The following KIAA1671 variants were observed in gnomAD, a reference collection of about 807,000 sequenced individuals.
KIAA1671 encodes the protein KIAA1671.
KIAA1671 carries 52 observed loss-of-function variants against 131.2 expected under a neutral mutation model. The observed-to-expected ratio is 0.40, with a 90% CI of 0.32 to 0.50. The LOEUF (loss-of-function observed/expected upper bound fraction) is 0.50, where lower values mean the gene tolerates loss of function less well. Among genes scored for constraint, KIAA1671 ranks in the 20% least tolerant of loss-of-function variants. The probability of loss-of-function intolerance (pLI) is 0.73; values close to 1 mark genes in which losing one functional copy is unlikely to be tolerated. For missense variants in KIAA1671, 2,360 were observed against 2,364.2 expected (o/e 1.00, Z 0.04); for synonymous variants, 1,003 against 961.6 (o/e 1.04, Z -0.80).
chr22:25,164,574 G>A (rs971029891), intron 6 of KIAA1671, among the ~76,000 whole-genome samples: 1 of 152,188 alleles, frequency 6.6e-6, no homozygotes, highest in African/African-American at 2.4e-5. Flanking sequence ...TCACTAAGGT[G>A]TTTTTTACAG....
intron 6 of KIAA1671, among the ~76,000 whole-genome samples, chr22:25,068,908 C>T (rs1928654292): frequency 6.6e-6 from 1 of 152,188 alleles, no homozygotes; most frequent in Admixed American, 6.5e-5. Context: ...TGCCTGGTGC[C>T]TCTGTGAACA....
chr22:25,016,039 C>T (rs1269040963), intron 1 of KIAA1671, among the ~76,000 whole-genome samples: 2 of 148,362 alleles, frequency 1.3e-5, no homozygotes, highest in Admixed American at 1.3e-4. Context: ...TTTTTTTTCC[C>T]AGACGGAGTC....
chr22:25,049,052 C>A, intron 5 of KIAA1671, 178 bp from the exon 6 acceptor site: 1 of 738,936 alleles, frequency 1.4e-6, no homozygotes, highest in Non-Finnish European at 2.1e-6. Flanking sequence ...GGCTGGGCCA[C>A]TGGAACCCAG....
intron 1 of KIAA1671, among the ~76,000 whole-genome samples, chr22:25,000,186 T>TTTG (rs1924367122): frequency 1.6e-5 from 1 of 62,114 alleles, no homozygotes; most frequent in Admixed American, 1.4e-4. Context: ...CCTCGCCTGT[T>TTTG]TTTTTTTTTT....
rs1926071503 is a variant in KIAA1671, at chr22:25,028,338, G to T, written c.339G>T (p.Leu113Phe). The change falls in exon 3 of 13, where the codon TTG becomes TTT. Residue 113 changes from leucine to phenylalanine, a missense_variant. Transcript: ENST00000358431. ...ATCTGGACAACAGGATGCCCGGCTT[G>T]GTGGGGCAGGAGGTGGGCAGTGGGG... ...AKDLDNRMPGLVGQEVGSGEG... is the reference protein window; with the variant it reads ...AKDLDNRMPGFVGQEVGSGEG... The T allele has an allele frequency of 1.3e-6, 2 of 1,550,708 alleles. No homozygotes were observed. Among genetic ancestry groups the T allele is most frequent in the East Asian group, 4.9e-5 (2 of 40,938 alleles).
At chr22:25,052,683 C>T (rs1927602663) in intron 6 of KIAA1671, 1 of 152,064 alleles carries the variant, frequency 6.6e-6, no homozygotes, top group Non-Finnish European at 1.5e-5. Flanking sequence ...CAGTGCCTGA[C>T]ACCGAGAAAT....
intron 6 of KIAA1671, among the ~76,000 whole-genome samples, chr22:25,114,031 C>T (rs956381389): frequency 6.6e-6 from 1 of 152,186 alleles, no homozygotes; most frequent in East Asian, 1.9e-4. Flanking sequence ...ATCCCCTAGG[C>T]GTCTTACCCT....
intron 6 of KIAA1671, among the ~76,000 whole-genome samples, chr22:25,163,538 T>C (rs184069290): frequency 8.6e-4 from 127 of 148,298 alleles, no homozygotes; most frequent in South Asian, 3.1e-3. Flanking sequence ...GCTACCCGGG[T>C]TCAAGTGATT....
At chr22:25,112,088 A>G in intron 6 of KIAA1671, 1 of 398,056 alleles carries the variant, frequency 2.5e-6, no homozygotes, top group Non-Finnish European at 4.4e-6. Flanking sequence ...TTCCATGAGC[A>G]AAAGAGTCCA....
At chr22:25,081,898 C>CA (rs1929425624) in intron 6 of KIAA1671, among the ~76,000 whole-genome samples, 2 of 151,988 alleles carry the variant, frequency 1.3e-5, no homozygotes, top group African/African-American at 4.8e-5. Flanking sequence ...TCCATCTCTA[C>CA]AAAAAATGTA....
rs2145787434 is a variant in KIAA1671 at position 25,028,604 on chromosome 22, A to C, written c.605A>C (p.Asp202Ala). ...CCCCGGTCAGCTCCCCTGTCTCAGG[A>C]CACAAAACCACCTGTACCCCAAGAG... ...TLPRSAPLSQ[D>A]TKPPVPQEEA... Residue 202 changes from aspartate (D) to alanine (A), a missense_variant, in exon 3 of 13, where the codon GAC (aspartate) becomes GCC (alanine). Transcript: ENST00000358431. The C allele has an allele frequency of 1.3e-6, 2 of 1,483,466 alleles. No individual in the cohort carries two copies. Among genetic ancestry groups the C allele is most frequent in the East Asian group, 5.7e-5 (2 of 35,062 alleles). 91.9% of individuals were successfully genotyped at this position (1,483,466 alleles called of 1,614,324 possible).
intron 1 of KIAA1671, among the ~76,000 whole-genome samples, chr22:24,984,302 C>T (rs1923397551): frequency 6.6e-6 from 1 of 152,152 alleles, no homozygotes; most frequent in Non-Finnish European, 1.5e-5. Flanking sequence ...TGAGGAAATG[C>T]AGGCCCAGAG....
chr22:25,153,916 G>A (rs1216265276), intron 6 of KIAA1671, among the ~76,000 whole-genome samples: 2 of 152,190 alleles, frequency 1.3e-5, no homozygotes, highest in African/African-American at 2.4e-5. Flanking sequence ...CTGCTAACCT[G>A]GTGTCTCTTC....
intron 4 of KIAA1671, among the ~76,000 whole-genome samples, chr22:25,037,846 T>G (rs1170499603): frequency 6.6e-6 from 1 of 152,284 alleles, no homozygotes; most frequent in South Asian, 2.1e-4. Context: ...TCCTTTTATT[T>G]ATTTATTTTT....
At chr22:25,063,212 G>T (rs952888483) in intron 6 of KIAA1671, 3 of 152,094 alleles carry the variant, frequency 2.0e-5, no homozygotes, top group African/African-American at 4.8e-5. Context: ...AGGACCCACC[G>T]CCCGGGTTTG....
intron 6 of KIAA1671, among the ~76,000 whole-genome samples, chr22:25,155,812 T>G (rs1933214156): frequency 6.6e-6 from 1 of 151,752 alleles, no homozygotes; most frequent in South Asian, 2.1e-4. Context: ...ATATGTGTGT[T>G]TATGTATATT....
intron 1 of KIAA1671, among the ~76,000 whole-genome samples, chr22:24,967,939 A>G (rs909692868): frequency 3.9e-5 from 6 of 151,982 alleles, no homozygotes; most frequent in Non-Finnish European, 5.9e-5. Context: ...CTTGCAGTGA[A>G]CCGAGATCAT....
At chr22:25,074,496 CAAAAAAAAAA>C (rs759898395) in intron 6 of KIAA1671, among the ~76,000 whole-genome samples, 7 of 64,162 alleles carry the variant, frequency 1.1e-4, no homozygotes, top group South Asian at 1.1e-3. Flanking sequence ...GGCTGTGTCT[CAAAAAAAAAA>C]AAAAAAAAAA....
intron 6 of KIAA1671, among the ~76,000 whole-genome samples, chr22:25,079,085 AGGTGCTGAATAAGT>A: frequency 6.6e-6 from 1 of 152,302 alleles, no homozygotes; most frequent in East Asian, 1.9e-4. Flanking sequence ...GGCATACAGT[AGGTGCTGAATAAGT>A]GGTGGCAGCC....
Sources: allele counts gnomAD v4.1 joint callset (sites outside exome capture counted in the v4.1 genomes callset), GRCh38; gene constraint gnomAD v4.1.1; transcripts MANE v1.5; gene names NCBI Gene and HGNC (gene_info 2026-07-23, HGNC 2026-07-21).